Variants in C10orf67 observed in about 807,000 individuals in gnomAD.
C10orf67 encodes the protein uncharacterized protein C10orf67, mitochondrial.
Under a neutral mutation model 35.6 loss-of-function variants are expected in C10orf67, and 60 were observed. That is an observed-to-expected ratio of 1.68 (90% CI 1.37 to 2.09). The LOEUF is 2.09. C10orf67 is among the 30% of genes most tolerant of loss of function. The pLI, the probability that C10orf67 is intolerant of heterozygous loss-of-function variation, is 0.00. For missense variants in C10orf67, 474 were observed against 330.2 expected (o/e 1.44, Z -3.38); for synonymous variants, 167 against 115.8 (o/e 1.44, Z -2.84).
chr10:23,287,213 T>G (rs534699517), intron 7 of C10orf67, among the ~76,000 whole-genome samples: 1 of 152,270 alleles, frequency 6.6e-6, no homozygotes, highest in Admixed American at 6.5e-5. Context: ...TCACACTACC[T>G]AACTTCAAAC....
At chr10:23,273,196 T>C (rs1293343676) in intron 8 of C10orf67, among the ~76,000 whole-genome samples, 1 of 152,238 alleles carries the variant, frequency 6.6e-6, no homozygotes, top group Non-Finnish European at 1.5e-5. Flanking sequence ...ATTATTGCAC[T>C]GGTTAGGACC....
In C10orf67 at chr10:23,266,381, G is replaced by A. The variant is rs1219153824; in HGVS notation, c.1081C>T (p.Pro361Ser). Residue 361 changes from proline (P) to serine (S), a missense_variant, in exon 10 of 16, where the codon CCC becomes TCC. Transcript: ENST00000636213. ...KGREASLSPW[P>S]KSPPSTTALR... is the part of the protein sequence containing the mutation. ...GCTGTGGTGCTGGGTGGAGACTTGG[G>A]CCATGGGGACAAAGAGGCTTCTCTC... 4 of 398,594 alleles carry A rather than the reference G, an allele frequency of 1.0e-5. No homozygotes were observed. The highest frequency in any genetic ancestry group is 1.8e-5 in the Non-Finnish European group (4 of 226,062). The allele number at this position is 398,594 out of a possible 1,614,324, so 24.7% of individuals were successfully genotyped here. A position where few individuals can be genotyped will look rare whatever the true frequency, so the allele number is the denominator to read the frequency against.
rs372443653 is a variant in C10orf67 at position 23,223,838 on chromosome 10, T to C, written c.1435-20A>G. On this transcript the variant is annotated intron_variant, in intron 13 of 15. Transcript: ENST00000636213. The stretch of plus-strand genomic sequence containing the variant: ...TACTTTCTGAAAGACACAAAAGATA[T>C]GTACTGTGTTATCAGGAGGAAATAA... 13 of 714,140 alleles carry C rather than the reference T, an allele frequency of 1.8e-5. No homozygotes were observed. Among genetic ancestry groups the C allele is most frequent in the African/African-American group, 1.1e-4 (6 of 57,096 alleles). The allele number at this position is 714,140 out of a possible 1,614,324, so 44.2% of individuals were successfully genotyped here. A position where few individuals can be genotyped will look rare whatever the true frequency, so the allele number is the denominator to read the frequency against.
intron 13 of C10orf67, among the ~76,000 whole-genome samples, chr10:23,226,382 T>G (rs987019550): frequency 6.6e-6 from 1 of 152,158 alleles, no homozygotes; most frequent in Non-Finnish European, 1.5e-5. Flanking sequence ...AGATGTTCTT[T>G]GAAACCAACG....
rs1403947984 is a variant in C10orf67, at chr10:23,204,251, C to G, written c.1575G>C (p.Lys525Asn). The change falls in exon 16 of 16, where the codon AAG (lysine) becomes AAC (asparagine). Residue 525 changes from lysine to asparagine, a missense_variant. Lys to Asn is a moderately conservative substitution (Grantham distance 94). Coordinates refer to ENST00000636213, the MANE Select transcript of C10orf67 (RefSeq NM_001371909.1). The part of the protein sequence containing the change: ...QAALQLSPKG[K>N]LSESPKEESL... ...ACTCTTCTTTTGGGGATTCCGACAACTTCCCTAAACGTGAAGAAAGGTGGA... is the reference window on the plus strand; with the variant it reads ...ACTCTTCTTTTGGGGATTCCGACAAGTTCCCTAAACGTGAAGAAAGGTGGA... The G allele has an allele frequency of 1.4e-5, 9 of 649,324 alleles. No individual in the cohort carries two copies. The highest frequency in any genetic ancestry group is 2.3e-5 in the Non-Finnish European group (8 of 347,920). The allele number at this position is 649,324 out of a possible 1,614,324, so 40.2% of individuals were successfully genotyped here. A position where few individuals can be genotyped will look rare whatever the true frequency, so the allele number is the denominator to read the frequency against.
chr10:23,297,230 CCCTTT>C (rs55638393), intron 5 of C10orf67, among the ~76,000 whole-genome samples: 23,918 of 145,520 alleles, frequency 0.16, 2,328 homozygotes, highest in Non-Finnish European at 0.22. Flanking sequence ...CTTTCTATTT[CCCTTT>C]CCTTTCCTTT....
intron 13 of C10orf67, among the ~76,000 whole-genome samples, chr10:23,239,421 A>G (rs538283335): frequency 6.6e-6 from 1 of 152,284 alleles, no homozygotes; most frequent in African/African-American, 2.4e-5. Context: ...CGTGGCCACA[A>G]ATGGGCAGAC....
chr10:23,235,929 A>T (rs540889906), intron 13 of C10orf67, among the ~76,000 whole-genome samples: 64 of 152,206 alleles, frequency 4.2e-4, no homozygotes, highest in Non-Finnish European at 7.1e-4. Flanking sequence ...AGCCTGGCCA[A>T]CATGGTGAAA....
chr10:23,208,182 G>T (rs1841207671), intron 15 of C10orf67, among the ~76,000 whole-genome samples: 1 of 152,170 alleles, frequency 6.6e-6, no homozygotes, highest in African/African-American at 2.4e-5. Context: ...GAACAATTTG[G>T]AGCCTAAGGA....
At chr10:23,238,069 T>C (rs956471770) in intron 13 of C10orf67, among the ~76,000 whole-genome samples, 1 of 152,208 alleles carries the variant, frequency 6.6e-6, no homozygotes, top group Non-Finnish European at 1.5e-5. Context: ...GCAAGTAAAA[T>C]AGTTTATAAG....
At chr10:23,233,594 T>C (rs1841967729) in intron 13 of C10orf67, among the ~76,000 whole-genome samples, 1 of 152,194 alleles carries the variant, frequency 6.6e-6, no homozygotes, top group Non-Finnish European at 1.5e-5. Flanking sequence ...AAGCAGAAAG[T>C]AGTTAACCAA....
chr10:23,254,453 A>G (rs1842545943), intron 10 of C10orf67, among the ~76,000 whole-genome samples: 1 of 152,102 alleles, frequency 6.6e-6, no homozygotes, highest in African/African-American at 2.4e-5. Context: ...CAGGTGATCC[A>G]CCCACCTTGG....
chr10:23,264,994 A>C (rs191650377), intron 10 of C10orf67, among the ~76,000 whole-genome samples: 3 of 152,318 alleles, frequency 2.0e-5, no homozygotes, highest in African/African-American at 4.8e-5. Context: ...ACTTCCCAAA[A>C]TCTGGGTTAT....
At chr10:23,340,911 T>C (rs11013405) in intron 1 of C10orf67, among the ~76,000 whole-genome samples, 27,189 of 152,204 alleles carry the variant, frequency 0.18, 2,718 homozygotes, top group Admixed American at 0.29. Context: ...CCTATGAATA[T>C]GTATTAATAA....
At chr10:23,259,060 T>C (rs1393515012) in intron 10 of C10orf67, among the ~76,000 whole-genome samples, 2 of 152,248 alleles carry the variant, frequency 1.3e-5, no homozygotes, top group Non-Finnish European at 2.9e-5. Flanking sequence ...AAATCAAATG[T>C]CAGTGAGAGT....
intron 15 of C10orf67, among the ~76,000 whole-genome samples, chr10:23,216,743 G>A (rs532493963): frequency 6.6e-6 from 1 of 152,164 alleles, no homozygotes; most frequent in Non-Finnish European, 1.5e-5. Flanking sequence ...CACCATCATG[G>A]ATATAATGCT....
intron 15 of C10orf67, among the ~76,000 whole-genome samples, chr10:23,218,760 CCTT>C (rs1841501222): frequency 6.6e-6 from 1 of 152,120 alleles, no homozygotes; most frequent in South Asian, 2.1e-4. Flanking sequence ...TTGATTAACT[CCTT>C]CTAACATTTT....
chr10:23,234,266 A>C (rs1448730240), intron 13 of C10orf67, among the ~76,000 whole-genome samples: 1 of 152,224 alleles, frequency 6.6e-6, no homozygotes, highest in African/African-American at 2.4e-5. Context: ...AAGACATGGA[A>C]TCAACTTAAA....
At chr10:23,221,482 G>A (rs950165209) in intron 15 of C10orf67, among the ~76,000 whole-genome samples, 1 of 152,046 alleles carries the variant, frequency 6.6e-6, no homozygotes, top group Admixed American at 6.5e-5. Flanking sequence ...AACTATTTCC[G>A]GGGGGTCTGA....
Sources: gnomAD v4.1 joint callset for allele counts (sites outside exome capture counted in the v4.1 genomes callset) on GRCh38, gnomAD v4.1.1 for gene constraint, MANE v1.5 for transcripts, NCBI Gene and HGNC (gene_info 2026-07-23, HGNC 2026-07-21) for gene names.